The following ESR1 variants were observed in gnomAD, a reference collection of about 807,000 sequenced individuals.
ESR1 encodes the protein estrogen receptor.
ESR1 carries 12 observed loss-of-function variants against 52.7 expected under a neutral mutation model. That is an observed-to-expected ratio of 0.23 (90% confidence interval 0.15 to 0.37). The LOEUF is 0.37. Among genes scored for constraint, ESR1 ranks in the 10% least tolerant of loss-of-function variants. The pLI is 1.00. For synonymous variants in ESR1, 305 were observed against 316.8 expected (o/e 0.96, Z 0.39); for missense variants, 584 against 779.7 (o/e 0.75, Z 2.99).
At chr6:151,737,981 A>T (rs987566452) in intron 2 of ESR1, among the ~76,000 whole-genome samples, 2 of 152,124 alleles carry the variant, frequency 1.3e-5, no homozygotes, top group Admixed American at 1.3e-4. Flanking sequence ...GCAGTCTTAG[A>T]ATTGTGGTTT....
chr6:151,766,996 C>T (rs200942755), intron 2 of ESR1, among the ~76,000 whole-genome samples: 1 of 152,184 alleles, frequency 6.6e-6, no homozygotes, highest in East Asian at 1.9e-4. Context: ...CAGATAAGGA[C>T]TTATTCTATA....
At chr6:151,825,178 C>T (rs1781273888) in intron 1 of ESR1, among the ~76,000 whole-genome samples, 1 of 152,098 alleles carries the variant, frequency 6.6e-6, no homozygotes, top group South Asian at 2.1e-4. Flanking sequence ...TCTGCCCTCC[C>T]CTCCTCTACC....
intron 4 of ESR1, among the ~76,000 whole-genome samples, chr6:151,970,477 G>A (rs952094336): frequency 6.6e-6 from 1 of 152,218 alleles, no homozygotes; most frequent in Non-Finnish European, 1.5e-5. Context: ...TAAGCTTGGT[G>A]ATGGGGCAGT....
intron 4 of ESR1, among the ~76,000 whole-genome samples, chr6:151,989,744 A>C (rs1475444035): frequency 6.6e-6 from 1 of 152,132 alleles, no homozygotes; most frequent in Non-Finnish European, 1.5e-5. Flanking sequence ...GCATTTTCCC[A>C]ATATCTATAT....
chr6:151,922,300 A>G (rs1168171501), intron 3 of ESR1, among the ~76,000 whole-genome samples: 1 of 152,212 alleles, frequency 6.6e-6, no homozygotes, highest in Non-Finnish European at 1.5e-5. Context: ...TACACCTTAT[A>G]CAAAAATTAA....
At chr6:152,036,935 G>A (rs1423626066) in intron 5 of ESR1, among the ~76,000 whole-genome samples, 1 of 152,208 alleles carries the variant, frequency 6.6e-6, no homozygotes, top group African/African-American at 2.4e-5. Context: ...GCAGCATTAA[G>A]TCCTTGGGAA....
At chr6:151,956,000 T>A (rs1314987445) in intron 4 of ESR1, among the ~76,000 whole-genome samples, 1 of 152,192 alleles carries the variant, frequency 6.6e-6, no homozygotes, top group Non-Finnish European at 1.5e-5. Context: ...TGTGTCAGTT[T>A]GCTAAGGATA....
At chr6:152,002,158 A>G (rs2042000452) in intron 4 of ESR1, among the ~76,000 whole-genome samples, 1 of 151,012 alleles carries the variant, frequency 6.6e-6, no homozygotes, top group Non-Finnish European at 1.5e-5. Flanking sequence ...CTTGGCAACA[A>G]CAGGTGTTCC....
intron 2 of ESR1, among the ~76,000 whole-genome samples, chr6:151,850,114 T>TAATATG (rs61329041): frequency 0.022 from 779 of 35,142 alleles, 90 homozygotes; most frequent in African/African-American, 0.085. Flanking sequence ...ATATACAAAA[T>TAATATG]TATATATATA....
intron 1 of ESR1, among the ~76,000 whole-genome samples, chr6:151,693,998 G>A (rs184453010): frequency 4.5e-4 from 69 of 152,280 alleles, no homozygotes; most frequent in Non-Finnish European, 4.3e-4. Flanking sequence ...ATATGTCCAC[G>A]AGGTGGTAAT....
chr6:151,945,036 C>T (rs1043263097), intron 4 of ESR1, among the ~76,000 whole-genome samples: 3 of 152,032 alleles, frequency 2.0e-5, no homozygotes, highest in Admixed American at 6.5e-5. Context: ...GGCAACGTGG[C>T]GAAACCCTGT....
At position 151,808,233 on chromosome 6, in the gene ESR1, G is replaced by A. The variant is rs2128156851; in HGVS notation, c.321G>A (p.Pro107=). ...CACTCAACAGCGTGTCTCCGAGCCC[G>A]CTGATGCTACTGCACCCGCCGCCGC... The part of the protein sequence containing the change: ...FPPLNSVSPS[P]LMLLHPPPQL... The change falls in exon 1 of 8, where the codon CCG becomes CCA. Residue 107 remains proline, a synonymous_variant. Coordinates refer to ENST00000206249, the MANE Select transcript of ESR1 (RefSeq NM_000125.4). 6.4e-7 allele frequency: 1 copy of A among 1,572,418 alleles called. No individual in the cohort carries two copies. Among genetic ancestry groups the A allele is most frequent in the South Asian group, 1.2e-5 (1 of 86,176 alleles).
chr6:151,865,287 G>C (rs1789680305), intron 2 of ESR1, among the ~76,000 whole-genome samples: 1 of 152,074 alleles, frequency 6.6e-6, no homozygotes, highest in African/African-American at 2.4e-5. Flanking sequence ...TTCCATATAA[G>C]TACATATTGG....
rs1346373342 is a variant in ESR1 at position 152,069,459 on chromosome 6, CA to C, written c.1369+8336del. The stretch of plus-strand genomic sequence containing the variant: ...ATCTATAGAAGTTAGGACATTGTGA[CA>C]GGGGCTACGTGACTTTGAAGTGTTA... On this transcript the variant is annotated intron_variant, in intron 6 of 7. Transcript: ENST00000206249. Among the ~76,000 whole-genome samples the C allele has an allele frequency of 1.5e-5, 2 of 136,240 alleles. 1 individual carries two copies. The highest frequency in any genetic ancestry group is 6.6e-5 in the African/African-American group (2 of 30,414). The allele number at this position is 136,240 out of a possible 152,430, so 89.4% of individuals were successfully genotyped here.
At chr6:151,790,110 T>G (rs1787388151) in intron 2 of ESR1, among the ~76,000 whole-genome samples, 1 of 152,216 alleles carries the variant, frequency 6.6e-6, no homozygotes, top group African/African-American at 2.4e-5. Context: ...CTGGTTGTGA[T>G]GGGCCTTCTC....
chr6:151,954,362 A>G (rs552568753), intron 4 of ESR1, among the ~76,000 whole-genome samples: 1 of 152,356 alleles, frequency 6.6e-6, no homozygotes, highest in East Asian at 1.9e-4. Context: ...CTTTTAGTCT[A>G]GGATTTATCA....
intron 4 of ESR1, among the ~76,000 whole-genome samples, chr6:151,974,508 G>A (rs767281124): frequency 3.9e-5 from 6 of 152,196 alleles, no homozygotes; most frequent in Non-Finnish European, 7.4e-5. Flanking sequence ...AAGAGCCTAG[G>A]ACTTACAATC....
chr6:151,903,538 T>C (rs77924771), intron 3 of ESR1, among the ~76,000 whole-genome samples: 3,764 of 152,310 alleles, frequency 0.025, 103 homozygotes, highest in East Asian at 0.071. Context: ...CCATCTACAC[T>C]AGGCTTTCAT....
chr6:152,085,768 C>A (rs1397297078), intron 6 of ESR1, among the ~76,000 whole-genome samples: 2 of 152,140 alleles, frequency 1.3e-5, no homozygotes, highest in Admixed American at 6.6e-5. Context: ...TCACTTCCAG[C>A]CCTTTCTGTT....
Sources: gnomAD v4.1 joint callset for allele counts (sites outside exome capture counted in the v4.1 genomes callset) on GRCh38, gnomAD v4.1.1 for gene constraint, MANE v1.5 for transcripts, NCBI Gene and HGNC (gene_info 2026-07-23, HGNC 2026-07-21) for gene names.